MARCHF1: variants seen among roughly 807,000 people sequenced by gnomAD.
MARCHF1 encodes the protein E3 ubiquitin-protein ligase MARCHF1.
In MARCHF1, 40 loss-of-function variants were observed where a neutral mutation model predicts 54.2. The observed-to-expected ratio is 0.74, with a 90% CI of 0.57 to 0.96. The LOEUF (loss-of-function observed/expected upper bound fraction) is 0.96, where lower values mean the gene tolerates loss of function less well. Ranked by LOEUF, MARCHF1 falls within the 40% of genes least tolerant of loss-of-function variation. The pLI, the probability that MARCHF1 is intolerant of heterozygous loss-of-function variation, is 0.00. For synonymous variants in MARCHF1, 236 were observed against 236.3 expected, an observed-to-expected ratio of 1.00 and a Z score of 0.01; for missense variants, 586 against 656.5, an observed-to-expected ratio of 0.89 and a Z score of 1.17.
At position 163,994,740 on chromosome 4, in the gene MARCHF1, T is replaced by TAC. The variant is rs576243307; in HGVS notation, c.-247-6033_-247-6032dup. ...CCTAACAGTCCTAATCAAGCACACA[T>TAC]ACACACACACACACACACACACACA... On this transcript the variant is annotated intron_variant, in intron 2 of 9. Coordinates refer to ENST00000514618, the MANE Select transcript of MARCHF1 (RefSeq NM_001394959.1). 8.9e-3 allele frequency among the ~76,000 whole-genome samples: 1,063 copies of TAC among 119,214 alleles called. 6 individuals carry two copies. The highest frequency in any genetic ancestry group is 0.024 in the East Asian group (92 of 3,816). 78.2% of individuals were successfully genotyped at this position (119,214 alleles called of 152,430 possible).
chr4:164,031,433 CA>C (rs34945314), intron 2 of MARCHF1, among the ~76,000 whole-genome samples: 4 of 150,230 alleles, frequency 2.7e-5, no homozygotes, highest in African/African-American at 9.8e-5. Context: ...ATTTTTTTTT[CA>C]AAAAAACCAT....
intron 1 of MARCHF1, among the ~76,000 whole-genome samples, chr4:164,171,700 T>C (rs1434557666): frequency 6.6e-6 from 1 of 152,138 alleles, no homozygotes; most frequent in Non-Finnish European, 1.5e-5. Flanking sequence ...ATAAAACTTA[T>C]CATCAAGGTC....
intron 4 of MARCHF1, among the ~76,000 whole-genome samples, chr4:163,748,126 T>C (rs1248888801): frequency 5.9e-5 from 9 of 152,068 alleles, no homozygotes; most frequent in Non-Finnish European, 1.0e-4. Flanking sequence ...TCCCCCACAT[T>C]CCCTTGTACT....
intron 2 of MARCHF1, among the ~76,000 whole-genome samples, chr4:164,036,482 A>C (rs1402276760): frequency 6.6e-6 from 1 of 152,212 alleles, no homozygotes; most frequent in Non-Finnish European, 1.5e-5. Context: ...ATTAAATATA[A>C]ATATGTGGAA....
intron 3 of MARCHF1, among the ~76,000 whole-genome samples, chr4:163,874,711 A>G (rs916658653): frequency 6.6e-6 from 1 of 152,156 alleles, no homozygotes; most frequent in African/African-American, 2.4e-5. Flanking sequence ...AATTTTGTTC[A>G]TTATGGGCCG....
At chr4:164,161,818 A>T (rs932024920) in intron 1 of MARCHF1, among the ~76,000 whole-genome samples, 3 of 152,170 alleles carry the variant, frequency 2.0e-5, no homozygotes, top group Admixed American at 6.6e-5. Flanking sequence ...GCTATGAAAC[A>T]GTAATAATTC....
intron 7 of MARCHF1, among the ~76,000 whole-genome samples, chr4:163,609,278 G>A (rs188860915): frequency 6.6e-6 from 1 of 152,070 alleles, no homozygotes; most frequent in Admixed American, 6.6e-5. Flanking sequence ...AACTCACTAT[G>A]TCTTTCCTAA....
chr4:164,009,965 T>C (rs1753382082), intron 2 of MARCHF1, among the ~76,000 whole-genome samples: 2 of 151,204 alleles, frequency 1.3e-5, no homozygotes, highest in Non-Finnish European at 1.5e-5. Context: ...GAGAAAAAGA[T>C]AATGAACATC....
intron 1 of MARCHF1, among the ~76,000 whole-genome samples, chr4:164,148,604 C>G (rs981689360): frequency 6.6e-6 from 1 of 152,016 alleles, no homozygotes; most frequent in African/African-American, 2.4e-5. Flanking sequence ...GCTGAAGTTC[C>G]TATAGCAATG....
intron 1 of MARCHF1, among the ~76,000 whole-genome samples, chr4:164,185,811 A>AC (rs1560944263): frequency 2.7e-3 from 62 of 22,700 alleles, no homozygotes; most frequent in East Asian, 7.2e-3. Flanking sequence ...CACACACACA[A>AC]AAAAAAAAAC....
chr4:163,926,828 C>A lies in MARCHF1; in HGVS notation c.-39+61673G>T, dbSNP rs1319505094. Among the ~76,000 whole-genome samples the A allele has an allele frequency of 3.3e-5, 5 of 151,530 alleles. No individual in the cohort carries two copies. The East Asian group carries it at 9.7e-4, about 29-fold the overall frequency. ...GGGCAGGTATCAATATAAACTATGA[C>A]AATCCATGAATATGTCTCCCAAGGA... On this transcript the variant is annotated intron_variant, in intron 3 of 9. Transcript: ENST00000514618.
At position 163,541,494 on chromosome 4, in the gene MARCHF1, TGTTAAAGCTCCAA is replaced by T. The variant is rs1226786686; in HGVS notation, c.1339+4089_1339+4101del. Among the ~76,000 whole-genome samples the T allele has an allele frequency of 3.9e-5, 6 of 152,238 alleles. No individual in the cohort carries two copies. In the South Asian group the frequency reaches 1.0e-3, roughly 26 times the overall value. Reference sequence around the variant, plus strand: ...AACTTAGCGATAGGCTTATTTAGGGTGTTAAAGCTCCAAGTACCATATATTTGCTATTTTTTTT... The same window carrying T: ...AACTTAGCGATAGGCTTATTTAGGGTGTACCATATATTTGCTATTTTTTTT... On this transcript the variant is annotated intron_variant, in intron 9 of 9. Transcript: ENST00000514618.
intron 5 of MARCHF1, among the ~76,000 whole-genome samples, chr4:163,616,969 T>C (rs976546449): frequency 1.1e-4 from 17 of 152,266 alleles, no homozygotes; most frequent in Non-Finnish European, 1.9e-4. Context: ...CCCATGATTA[T>C]TGTAGCATTA....
At chr4:164,096,327 AT>A (rs1490510175) in intron 2 of MARCHF1, among the ~76,000 whole-genome samples, 1 of 152,120 alleles carries the variant, frequency 6.6e-6, no homozygotes, top group Non-Finnish European at 1.5e-5. Flanking sequence ...AGAAAACCAA[AT>A]ATTGCACATT....
chr4:164,344,502 T>G (rs1730021288), intron 1 of MARCHF1, among the ~76,000 whole-genome samples: 1 of 151,766 alleles, frequency 6.6e-6, no homozygotes, highest in Admixed American at 6.6e-5. Flanking sequence ...TGGTCAGCAC[T>G]TTTGAAAACT....
intron 2 of MARCHF1, among the ~76,000 whole-genome samples, chr4:164,011,422 GAC>G (rs1289165533): frequency 6.6e-6 from 1 of 152,042 alleles, no homozygotes; most frequent in African/African-American, 2.4e-5. Flanking sequence ...CAACTCAACA[GAC>G]AAAAAAGTAA....
intron 1 of MARCHF1, among the ~76,000 whole-genome samples, chr4:164,220,805 T>C (rs1218186238): frequency 6.7e-6 from 1 of 149,278 alleles, no homozygotes; most frequent in Non-Finnish European, 1.5e-5. Context: ...CTGAAAAGTA[T>C]TAAAAACTTT....
intron 1 of MARCHF1, among the ~76,000 whole-genome samples, chr4:164,164,376 T>C (rs1730315900): frequency 6.6e-6 from 1 of 151,820 alleles, no homozygotes. Context: ...AAGACACATG[T>C]ACCAACATCA....
At chr4:163,632,221 T>G (rs1295896440) in intron 5 of MARCHF1, among the ~76,000 whole-genome samples, 1 of 152,104 alleles carries the variant, frequency 6.6e-6, no homozygotes, top group Non-Finnish European at 1.5e-5. Flanking sequence ...CCAAATCTCA[T>G]GTTGAAATGT....
Sources: gnomAD v4.1 joint callset for allele counts (sites outside exome capture counted in the v4.1 genomes callset) on GRCh38, gnomAD v4.1.1 for gene constraint, MANE v1.5 for transcripts, NCBI Gene and HGNC (gene_info 2026-07-23, HGNC 2026-07-21) for gene names.